OPCML: variants seen among roughly 807,000 people sequenced by gnomAD.
OPCML encodes opioid-binding protein/cell adhesion molecule.
A neutral mutation model predicts 37.8 loss-of-function variants in OPCML; 13 were observed. That is an observed-to-expected ratio of 0.34 (90% CI 0.22 to 0.55). The LOEUF (loss-of-function observed/expected upper bound fraction) is 0.55. Among genes scored for constraint, OPCML ranks in the 20% least tolerant of loss-of-function variants. The probability of loss-of-function intolerance (pLI) is 0.91; values close to 1 mark genes in which losing one functional copy is unlikely to be tolerated. For synonymous variants in OPCML, 176 were observed against 168.8 expected, an observed-to-expected ratio of 1.04 and a Z score of -0.33; for missense variants, 341 against 435.6, an observed-to-expected ratio of 0.78 and a Z score of 1.93.
intron 1 of OPCML, among the ~76,000 whole-genome samples, chr11:132,996,736 C>T (rs1867424172): frequency 1.3e-5 from 2 of 152,040 alleles, no homozygotes; most frequent in South Asian, 4.1e-4. Flanking sequence ...TTTAGTGTGC[C>T]TGGCACAAAC....
intron 1 of OPCML, among the ~76,000 whole-genome samples, chr11:133,220,294 A>G (rs991380026): frequency 6.6e-6 from 1 of 152,146 alleles, no homozygotes; most frequent in Non-Finnish European, 1.5e-5. Context: ...AGAATGTCTG[A>G]TTTTTGCAGA....
intron 2 of OPCML, among the ~76,000 whole-genome samples, chr11:132,770,275 T>G (rs534436835): frequency 9.2e-5 from 14 of 152,200 alleles, no homozygotes; most frequent in African/African-American, 3.4e-4. Flanking sequence ...GTTGAGTGTG[T>G]TTAGTTTTGT....
chr11:132,681,860 C>G (rs1942958830), intron 2 of OPCML, among the ~76,000 whole-genome samples: 1 of 152,032 alleles, frequency 6.6e-6, no homozygotes, highest in Admixed American at 6.5e-5. Flanking sequence ...GAGGCTGAGG[C>G]AGGAGAATGG....
At chr11:132,957,236 G>A (rs538691027) in intron 1 of OPCML, among the ~76,000 whole-genome samples, 10 of 152,118 alleles carry the variant, frequency 6.6e-5, no homozygotes, top group African/African-American at 1.9e-4. Flanking sequence ...GGAAGGAGAC[G>A]GAGAATCCAT....
intron 1 of OPCML, among the ~76,000 whole-genome samples, chr11:133,046,082 C>G (rs1162203974): frequency 6.6e-6 from 1 of 152,202 alleles, no homozygotes; most frequent in Non-Finnish European, 1.5e-5. Flanking sequence ...TTGCCTCGCT[C>G]TGGAGACACC....
chr11:133,148,622 G>T (rs1397753536), intron 1 of OPCML, among the ~76,000 whole-genome samples: 1 of 151,798 alleles, frequency 6.6e-6, no homozygotes, highest in Admixed American at 6.6e-5. Flanking sequence ...CCACCGCCCT[G>T]CAGGGGGCGA....
At chr11:132,615,645 A>C (rs550747818) in intron 3 of OPCML, among the ~76,000 whole-genome samples, 1 of 152,242 alleles carries the variant, frequency 6.6e-6, no homozygotes, top group South Asian at 2.1e-4. Flanking sequence ...GATTAAATGC[A>C]AGTGCTATGC....
At chr11:133,124,857 A>G (rs1949475873) in intron 1 of OPCML, among the ~76,000 whole-genome samples, 2 of 152,152 alleles carry the variant, frequency 1.3e-5, no homozygotes, top group African/African-American at 2.4e-5. Flanking sequence ...CTTTCCATTC[A>G]ATTTCTTTCT....
chr11:133,278,940 C>T (rs1343206647), intron 1 of OPCML, among the ~76,000 whole-genome samples: 1 of 152,182 alleles, frequency 6.6e-6, no homozygotes, highest in Non-Finnish European at 1.5e-5. Context: ...TGCGCCTAAT[C>T]AAGAGGAGAA....
At chr11:132,805,314 T>C (rs1466882854) in intron 2 of OPCML, among the ~76,000 whole-genome samples, 2 of 152,188 alleles carry the variant, frequency 1.3e-5, no homozygotes, top group Non-Finnish European at 2.9e-5. Flanking sequence ...CAGAATGCTA[T>C]TAAATGATTT....
intron 1 of OPCML, among the ~76,000 whole-genome samples, chr11:133,139,106 C>T (rs1288481054): frequency 6.6e-6 from 1 of 152,120 alleles, no homozygotes; most frequent in East Asian, 1.9e-4. Context: ...CTCCACGAGC[C>T]CACAAAAGTA....
chr11:133,120,782 A>G (rs556152245), intron 1 of OPCML, among the ~76,000 whole-genome samples: 106 of 152,306 alleles, frequency 7.0e-4, no homozygotes, highest in African/African-American at 2.3e-3. Context: ...GATCACATAC[A>G]TCTCAGAAGT....
chr11:132,508,133 A>G (rs1000213250), intron 4 of OPCML, among the ~76,000 whole-genome samples: 4 of 152,190 alleles, frequency 2.6e-5, no homozygotes, highest in Admixed American at 2.6e-4. Context: ...AACCATTAAT[A>G]TTATTAAATA....
At chr11:132,502,644 C>A (rs2096248038) in intron 4 of OPCML, among the ~76,000 whole-genome samples, 1 of 152,132 alleles carries the variant, frequency 6.6e-6, no homozygotes, top group Non-Finnish European at 1.5e-5. Context: ...GATATCCATG[C>A]CACTGACTCA....
chr11:132,792,354 T>A (rs1937972798), intron 2 of OPCML, among the ~76,000 whole-genome samples: 1 of 152,196 alleles, frequency 6.6e-6, no homozygotes, highest in Non-Finnish European at 1.5e-5. Context: ...TGATCTATTT[T>A]TATTGTAAAT....
intron 2 of OPCML, among the ~76,000 whole-genome samples, chr11:132,718,264 C>T (rs553936931): frequency 1.3e-5 from 2 of 152,300 alleles, no homozygotes; most frequent in South Asian, 4.2e-4. Context: ...TATCCTGTAG[C>T]ACCAGTGGTG....
At chr11:132,726,303 G>T (rs1224281892) in intron 2 of OPCML, among the ~76,000 whole-genome samples, 1 of 152,124 alleles carries the variant, frequency 6.6e-6, no homozygotes, top group East Asian at 1.9e-4. Context: ...ATCTTACATG[G>T]ATGGCAGCAG....
At position 133,019,667 on chromosome 11, in the gene OPCML, G is replaced by A. The variant is rs997480531; in HGVS notation, c.62-76657C>T. Among the ~76,000 whole-genome samples the A allele has an allele frequency of 1.2e-4, 19 of 152,160 alleles. 1 individual carries two copies. The highest frequency in any genetic ancestry group is 2.7e-4 in the African/African-American group (11 of 41,444). ...ACAACATCTATCTTCATCAACCCAC[G>A]GTGTTCCATGGGCTTGTTTGTCACA... is the stretch of plus-strand genomic sequence containing the variant. On this transcript the variant is annotated intron_variant, in intron 1 of 7. Coordinates refer to ENST00000524381, the MANE Select transcript of OPCML (RefSeq NM_001012393.5).
At chr11:132,942,892 G>GGGGCTCA (rs2136675517) in intron 2 of OPCML, 34 bp downstream of exon 2, 1 of 1,566,996 alleles carries the variant, frequency 6.4e-7, no homozygotes, top group South Asian at 1.1e-5. Context: ...CCACAGCCCA[G>GGGGCTCA]GGGCTCGGCC....
Sources: allele counts gnomAD v4.1 joint callset (sites outside exome capture counted in the v4.1 genomes callset), GRCh38; gene constraint gnomAD v4.1.1; transcripts MANE v1.5; gene names NCBI Gene and HGNC (gene_info 2026-07-23, HGNC 2026-07-21).